Variants in DNAJC7 observed in about 807,000 individuals in gnomAD.
The protein encoded by DNAJC7 is dnaJ homolog subfamily C member 7.
In DNAJC7, 18 loss-of-function variants were observed where a neutral mutation model predicts 67.4. The ratio of observed to expected loss-of-function variants is 0.27; its 90% CI spans 0.18 to 0.40. DNAJC7 has a LOEUF of 0.40. DNAJC7 is among the 10% of genes least tolerant of loss of function. DNAJC7 has a pLI of 1.00. For synonymous variants in DNAJC7, 220 were observed against 207.8 expected (o/e 1.06, Z -0.50); for missense variants, 419 against 613.8 (o/e 0.68, Z 3.35).
At chr17:41,981,343 CCCA>C (rs1424906116) in intron 12 of DNAJC7, among the ~76,000 whole-genome samples, 6 of 151,396 alleles carry the variant, frequency 4.0e-5, no homozygotes, top group African/African-American at 1.2e-4. Context: ...ATTACAGGCG[CCCA>C]CCACCACACC....
At chr17:41,988,598 T>A in intron 8 of DNAJC7, 134 bp downstream of exon 8, 1 of 1,110,978 alleles carries the variant, frequency 9.0e-7, no homozygotes, top group Non-Finnish European at 1.2e-6. Context: ...TGGAAGGGAG[T>A]TCCTAACAAA....
At chr17:41,990,198 A>G (rs1453606493) in intron 6 of DNAJC7, 66 bp downstream of exon 6, 2 of 1,458,650 alleles carry the variant, frequency 1.4e-6, no homozygotes, top group Non-Finnish European at 1.9e-6. Context: ...CCTGTGGTGA[A>G]GCTGCCGGAC....
At chr17:41,982,509 G>T (rs988124619) in intron 10 of DNAJC7, 108 bp from the exon 11 acceptor site, 16 of 1,376,602 alleles carry the variant, frequency 1.2e-5, no homozygotes, top group African/African-American at 2.9e-5. Flanking sequence ...CCATGCCAGG[G>T]ACTTTTACGG....
intron 5 of DNAJC7, among the ~76,000 whole-genome samples, chr17:41,994,615 G>A (rs1357793916): frequency 6.6e-6 from 1 of 151,248 alleles, no homozygotes; most frequent in Non-Finnish European, 1.5e-5. Flanking sequence ...TTAGACCAGT[G>A]CTTTACATCA....
At chr17:41,985,246 G>A (rs1249537254) in intron 9 of DNAJC7, 1 of 152,016 alleles carries the variant, frequency 6.6e-6, no homozygotes, top group Non-Finnish European at 1.5e-5. Flanking sequence ...TTGATTTTCT[G>A]GCATCATTTT....
At chr17:41,982,212 T>C (rs1555646081) in intron 11 of DNAJC7, 43 bp downstream of exon 11, 1 of 1,611,474 alleles carries the variant, frequency 6.2e-7, no homozygotes, top group African/African-American at 1.3e-5. Flanking sequence ...TGGCCTGCCC[T>C]GCGGGTTCTT....
intron 1 of DNAJC7, 147 bp downstream of exon 1, chr17:42,017,193 T>A: frequency 6.5e-7 from 1 of 1,549,656 alleles, no homozygotes; most frequent in South Asian, 1.2e-5. Context: ...CTTCAGGGGG[T>A]CCATCCGGCC....
intron 5 of DNAJC7, 95 bp downstream of exon 5, chr17:41,994,775 T>C (rs2051611319): frequency 3.0e-6 from 3 of 1,015,766 alleles, no homozygotes; most frequent in African/African-American, 1.6e-5. Flanking sequence ...TCTAGAGCTT[T>C]TGTGCCATAC....
At chr17:42,001,458 G>C (rs781989153) in intron 1 of DNAJC7, among the ~76,000 whole-genome samples, 2 of 152,162 alleles carry the variant, frequency 1.3e-5, no homozygotes, top group South Asian at 2.1e-4. Flanking sequence ...CAAGTACCTA[G>C]AATCAAATCA....
At chr17:41,984,845 G>C (rs1342114848) in intron 9 of DNAJC7, 1 of 143,624 alleles carries the variant, frequency 7.0e-6, no homozygotes, top group Non-Finnish European at 1.5e-5. Flanking sequence ...TTTTTTTTTT[G>C]ACACAGAGTC....
intron 1 of DNAJC7, among the ~76,000 whole-genome samples, chr17:42,012,831 T>C (rs1287103888): frequency 1.3e-5 from 2 of 152,184 alleles, no homozygotes; most frequent in Admixed American, 6.5e-5. Context: ...GGTTTCACTC[T>C]GTCACCCAGG....
chr17:41,988,803 G>A lies in DNAJC7; in HGVS notation c.847C>T (p.Leu283=). The A allele has an allele frequency of 6.2e-7, 1 of 1,613,634 alleles. No homozygotes were observed. The highest frequency in any genetic ancestry group is 8.5e-7 in the Non-Finnish European group (1 of 1,179,746). ...KLAYELYTEA[L]GIDPNNIKTN... Reference sequence around the variant, plus strand: ...TTTATATTGTTGGGGTCTATCCCCAGGGCTTCTGTGTACAGTTCATATGCT... The same window carrying A: ...TTTATATTGTTGGGGTCTATCCCCAAGGCTTCTGTGTACAGTTCATATGCT... Residue 283 remains leucine, a synonymous_variant, in exon 8 of 14, where the codon CTG becomes TTG. Transcript: ENST00000457167.
At chr17:42,001,489 A>G (rs1300437007) in intron 1 of DNAJC7, among the ~76,000 whole-genome samples, 1 of 152,246 alleles carries the variant, frequency 6.6e-6, no homozygotes, top group Non-Finnish European at 1.5e-5. Context: ...ACAGTGTTTT[A>G]AAAGAACTAG....
chr17:41,994,936 AT>A lies in DNAJC7; in HGVS notation c.413del (p.Asn138MetfsTer11). ...KNAQAQQEFK[N>X]ANAVMEYEKI... Reference sequence around the variant, plus strand: ...TCTCATATTCCATGACTGCATTAGCATTCTTGAACTGCACCGGAAAATCAGA... The same window carrying A: ...TCTCATATTCCATGACTGCATTAGCATCTTGAACTGCACCGGAAAATCAGA... On this transcript the variant is annotated frameshift_variant, in exon 5 of 14. Transcript: ENST00000457167. LOFTEE classifies it high-confidence loss of function. 6.2e-7 allele frequency: 1 copy of A among 1,613,516 alleles called. No individual in the cohort carries two copies. Among genetic ancestry groups the A allele is most frequent in the Non-Finnish European group, 8.5e-7 (1 of 1,179,738 alleles).
intron 1 of DNAJC7, among the ~76,000 whole-genome samples, chr17:42,008,483 C>T (rs1347189942): frequency 1.3e-5 from 2 of 151,502 alleles, no homozygotes; most frequent in African/African-American, 2.4e-5. Flanking sequence ...CATCTCGGCT[C>T]ATTGCAAGCT....
At chr17:42,014,333 A>AT (rs1467854700) in intron 1 of DNAJC7, 6 of 141,090 alleles carry the variant, frequency 4.3e-5, no homozygotes, top group African/African-American at 1.6e-4. Flanking sequence ...ACGCCCAGCT[A>AT]TTTTTTCTAT....
chr17:41,986,975 G>A (rs1308812912), intron 9 of DNAJC7, among the ~76,000 whole-genome samples: 5 of 152,262 alleles, frequency 3.3e-5, no homozygotes, highest in Non-Finnish European at 5.9e-5. Context: ...TGGAGCAGGT[G>A]CTGGAGGATT....
chr17:41,979,907 G>A (rs2051202983), intron 12 of DNAJC7, among the ~76,000 whole-genome samples: 1 of 151,804 alleles, frequency 6.6e-6, no homozygotes, highest in African/African-American at 2.4e-5. Flanking sequence ...GTTGCAGTGA[G>A]TCGAGATGGT....
At position 42,006,829 on chromosome 17, in the gene DNAJC7, G is replaced by A. The variant is rs1437150511; in HGVS notation, c.78-6259C>T. Among the ~76,000 whole-genome samples, 7 of 88,684 alleles carry A rather than the reference G, an allele frequency of 7.9e-5. No homozygotes were observed. The East Asian group carries it at 9.5e-4, about 12-fold the overall frequency. The allele number at this position is 88,684 out of a possible 152,430, so 58.2% of individuals were successfully genotyped here. On this transcript the variant is annotated intron_variant, in intron 1 of 13. Transcript: ENST00000457167. Reference sequence around the variant, plus strand: ...AAAAAAAAAAAAAAAGTCCAGGCACGGTGGCTCACGCCTATAATCCCAGCA... The same window carrying A: ...AAAAAAAAAAAAAAAGTCCAGGCACAGTGGCTCACGCCTATAATCCCAGCA...
Sources: gnomAD v4.1 joint callset for allele counts (sites outside exome capture counted in the v4.1 genomes callset) on GRCh38, gnomAD v4.1.1 for gene constraint, MANE v1.5 for transcripts, NCBI Gene and HGNC (gene_info 2026-07-23, HGNC 2026-07-21) for gene names.